CPNE4: variants seen among roughly 807,000 people sequenced by gnomAD.
The protein encoded by CPNE4 is copine 4.
In CPNE4, 25 loss-of-function variants were observed where a neutral mutation model predicts 67.9. That is an observed-to-expected ratio of 0.37 (90% CI 0.27 to 0.51). The LOEUF (loss-of-function observed/expected upper bound fraction) is 0.51. Ranked by LOEUF, CPNE4 falls within the 20% of genes least tolerant of loss-of-function variation. The pLI, the probability that CPNE4 is intolerant of heterozygous loss-of-function variation, is 0.93. For synonymous variants in CPNE4, 242 were observed against 244.9 expected (o/e 0.99, Z 0.11); for missense variants, 464 against 690.8 (o/e 0.67, Z 3.68).
chr3:131,944,689 C>T (rs1204084340), intron 1 of CPNE4, among the ~76,000 whole-genome samples: 4 of 135,190 alleles, frequency 3.0e-5, no homozygotes, highest in African/African-American at 5.1e-5. Context: ...GTGGAAGTGG[C>T]GAGATTTAAA....
rs1042166866 is a variant in CPNE4, at chr3:131,718,395, G to A, written c.360+5051C>T. Among the ~76,000 whole-genome samples, 3 of 152,142 alleles carry A rather than the reference G, an allele frequency of 2.0e-5. No homozygotes were observed. In the East Asian group the frequency reaches 5.8e-4, roughly 29 times the overall value. The stretch of plus-strand genomic sequence containing the variant: ...TAGAGAAAAACACTTAAAAGCATCA[G>A]GACCAGGCTTTTTCTTTTCTATCTG... On this transcript the variant is annotated intron_variant, in intron 3 of 15. Coordinates refer to ENST00000429747, the MANE Select transcript of CPNE4 (RefSeq NM_130808.3).
chr3:131,610,846 G>A (rs1939794930), intron 7 of CPNE4, among the ~76,000 whole-genome samples: 1 of 152,158 alleles, frequency 6.6e-6, no homozygotes, highest in South Asian at 2.1e-4. Context: ...GACTGATGGA[G>A]GAATGGAATC....
At chr3:132,003,694 C>T (rs1044862172) in intron 1 of CPNE4, among the ~76,000 whole-genome samples, 4 of 152,044 alleles carry the variant, frequency 2.6e-5, no homozygotes, top group African/African-American at 9.7e-5. Flanking sequence ...ATCATAATGC[C>T]ATCTTTTTAG....
chr3:131,542,466 A>G (rs1336479011), intron 15 of CPNE4, 91 bp downstream of exon 15: 1 of 872,860 alleles, frequency 1.1e-6, no homozygotes, highest in African/African-American at 1.6e-5. Context: ...AGAATGGTGG[A>G]TCACCATAAA....
At chr3:131,748,978 C>A (rs906679783) in intron 2 of CPNE4, among the ~76,000 whole-genome samples, 3 of 151,696 alleles carry the variant, frequency 2.0e-5, no homozygotes, top group Non-Finnish European at 2.9e-5. Flanking sequence ...CTCTTATCTT[C>A]ATTATTTCCT....
At chr3:131,772,649 C>T (rs190493809) in intron 2 of CPNE4, among the ~76,000 whole-genome samples, 306 of 152,190 alleles carry the variant, frequency 2.0e-3, no homozygotes, top group Middle Eastern at 6.8e-3. Context: ...GGTAACGCTC[C>T]GTCAATTGGA....
intron 3 of CPNE4, among the ~76,000 whole-genome samples, chr3:131,702,983 T>G (rs1011717127): frequency 6.6e-6 from 1 of 152,088 alleles, no homozygotes; most frequent in Non-Finnish European, 1.5e-5. Context: ...ATAATCAGGG[T>G]TTTGAATTTT....
Position 131,575,004 on chromosome 3 carries a change from C to T in CPNE4, c.927+67G>A, listed in dbSNP as rs761330015. Reference sequence around the variant, plus strand: ...AGCTTTTGTCTCTTTATCCCCCAAACCCAGTGCCACCCCTCATCTCTTGAT... The same window carrying T: ...AGCTTTTGTCTCTTTATCCCCCAAATCCAGTGCCACCCCTCATCTCTTGAT... On this transcript the variant is annotated intron_variant, in intron 10 of 15. Coordinates refer to ENST00000429747, the MANE Select transcript of CPNE4 (RefSeq NM_130808.3). 6 of 1,371,518 alleles carry T rather than the reference C, an allele frequency of 4.4e-6. No individual in the cohort carries two copies. The Admixed American group carries it at 8.4e-5, about 19-fold the overall frequency. 85.0% of individuals were successfully genotyped at this position (1,371,518 alleles called of 1,614,324 possible). A position where few individuals can be genotyped will look rare whatever the true frequency, so the allele number is the denominator to read the frequency against.
chr3:131,875,630 A>T (rs1202177672), intron 2 of CPNE4, among the ~76,000 whole-genome samples: 2 of 146,844 alleles, frequency 1.4e-5, no homozygotes, highest in Non-Finnish European at 1.5e-5. Flanking sequence ...GAATTGAACA[A>T]TGTGAACACA....
intron 7 of CPNE4, among the ~76,000 whole-genome samples, chr3:131,613,211 T>A (rs1939948853): frequency 6.6e-6 from 1 of 152,182 alleles, no homozygotes; most frequent in Admixed American, 6.5e-5. Context: ...TTGAGCTTCT[T>A]TTTCTTACCA....
intron 2 of CPNE4, among the ~76,000 whole-genome samples, chr3:131,867,415 G>A (rs2086998868): frequency 6.6e-6 from 1 of 152,088 alleles, no homozygotes. Flanking sequence ...TCAAGGTATA[G>A]CCAAAGAGTG....
In CPNE4 at chr3:131,552,497, C is replaced by T. The variant is rs1324432339; in HGVS notation, c.1117-6G>A. 1 of 1,610,868 alleles carries T rather than the reference C, an allele frequency of 6.2e-7. No individual in the cohort carries two copies. The highest frequency in any genetic ancestry group is 2.2e-5 in the East Asian group (1 of 44,824). On this transcript the variant is annotated splice_polypyrimidine_tract_variant and splice_region_variant and intron_variant, in intron 12 of 15. Transcript: ENST00000429747. ...ATTGCAAAGTCATGAGAGACCTAGA[C>T]ACCGATTAAAATTTAAAAAACAGGA... is the stretch of plus-strand genomic sequence containing the variant.
At chr3:131,750,315 T>G (rs2082593910) in intron 2 of CPNE4, among the ~76,000 whole-genome samples, 1 of 152,206 alleles carries the variant, frequency 6.6e-6, no homozygotes, top group Non-Finnish European at 1.5e-5. Context: ...CATTTAAATC[T>G]GTTGTAATTA....
chr3:131,784,046 T>A (rs778179504), intron 2 of CPNE4, among the ~76,000 whole-genome samples: 55 of 152,122 alleles, frequency 3.6e-4, no homozygotes, highest in Non-Finnish European at 7.5e-4. Context: ...AATATAGTTT[T>A]AAGGTTTTTA....
chr3:131,859,923 A>T (rs73203872), intron 2 of CPNE4, among the ~76,000 whole-genome samples: 11,643 of 152,266 alleles, frequency 0.076, 582 homozygotes, highest in East Asian at 0.17. Flanking sequence ...CAGAAACTAA[A>T]TAAAATAGAA....
chr3:131,564,880 G>C (rs1936974404), intron 10 of CPNE4, among the ~76,000 whole-genome samples: 1 of 152,026 alleles, frequency 6.6e-6, no homozygotes, highest in African/African-American at 2.4e-5. Context: ...GGAAGGAGCA[G>C]CTCCATGTAA....
intron 1 of CPNE4, among the ~76,000 whole-genome samples, chr3:131,977,646 C>T (rs2072699337): frequency 6.6e-6 from 1 of 151,910 alleles, no homozygotes; most frequent in South Asian, 2.1e-4. Flanking sequence ...CTATGCGGTT[C>T]TTTTTTTAAA....
At chr3:131,587,606 T>C (rs765758951) in intron 7 of CPNE4, 24 bp from the exon 8 acceptor site, 2 of 1,548,728 alleles carry the variant, frequency 1.3e-6, no homozygotes, top group Admixed American at 1.7e-5. Flanking sequence ...CAATGATCTT[T>C]CTTAAAAAAT....
chr3:131,613,594 C>A (rs148783771), intron 7 of CPNE4, among the ~76,000 whole-genome samples: 1 of 152,174 alleles, frequency 6.6e-6, no homozygotes, highest in African/African-American at 2.4e-5. Flanking sequence ...AAATAACTAC[C>A]TTGGCAGGCA....
Sources: gnomAD v4.1 joint callset for allele counts (sites outside exome capture counted in the v4.1 genomes callset) on GRCh38, gnomAD v4.1.1 for gene constraint, MANE v1.5 for transcripts, NCBI Gene and HGNC (gene_info 2026-07-23, HGNC 2026-07-21) for gene names.